NXPH2: variants seen among roughly 807,000 people sequenced by gnomAD.
NXPH2 encodes the protein neurexophilin 2, also known as neurexophilin-2.
In NXPH2, 5 loss-of-function variants were observed where a neutral mutation model predicts 19.8. That is an observed-to-expected ratio of 0.25 (90% CI 0.13 to 0.53). The LOEUF (loss-of-function observed/expected upper bound fraction) is 0.53. Among genes scored for constraint, NXPH2 ranks in the 20% least tolerant of loss-of-function variants. The pLI, the probability that NXPH2 is intolerant of heterozygous loss-of-function variation, is 0.96. For missense variants in NXPH2, 289 were observed against 322.8 expected, an observed-to-expected ratio of 0.90 and a Z score of 0.80; for synonymous variants, 154 against 127.4, an observed-to-expected ratio of 1.21 and a Z score of -1.41.
chr2:138,729,641 G>T (rs182668593), intron 1 of NXPH2, among the ~76,000 whole-genome samples: 3 of 152,084 alleles, frequency 2.0e-5, no homozygotes, highest in Non-Finnish European at 4.4e-5. Flanking sequence ...CTCAAATCAC[G>T]AATCTCTGCC....
At chr2:138,743,151 T>C (rs1452534041) in intron 1 of NXPH2, among the ~76,000 whole-genome samples, 1 of 152,206 alleles carries the variant, frequency 6.6e-6, no homozygotes, top group Non-Finnish European at 1.5e-5. Context: ...TGATTGCTTG[T>C]AACAAAGGCA....
chr2:138,779,109 CGA>C (rs1232123168), intron 1 of NXPH2, among the ~76,000 whole-genome samples: 1 of 152,140 alleles, frequency 6.6e-6, no homozygotes, highest in African/African-American at 2.4e-5. Flanking sequence ...ACAAAGAGAA[CGA>C]GAGAGAGAGC....
chr2:138,756,955 CAT>C (rs1681918751), intron 1 of NXPH2, among the ~76,000 whole-genome samples: 1 of 152,242 alleles, frequency 6.6e-6, no homozygotes, highest in African/African-American at 2.4e-5. Context: ...AGCAAAGTAA[CAT>C]AACACTGTCT....
At chr2:138,700,519 A>T (rs1173773139) in intron 1 of NXPH2, among the ~76,000 whole-genome samples, 1 of 152,202 alleles carries the variant, frequency 6.6e-6, no homozygotes, top group East Asian at 1.9e-4. Flanking sequence ...TGAATATGGA[A>T]TTTATTTCCC....
At chr2:138,718,661 CT>C (rs1273039965) in intron 1 of NXPH2, among the ~76,000 whole-genome samples, 1 of 152,090 alleles carries the variant, frequency 6.6e-6, no homozygotes, top group Non-Finnish European at 1.5e-5. Context: ...GCCACTGGAC[CT>C]TGATGCCTGG....
At position 138,674,765 on chromosome 2, in the gene NXPH2, A is replaced by G. The variant is rs555504792; in HGVS notation, c.52-3100T>C. Among the ~76,000 whole-genome samples the G allele has an allele frequency of 3.9e-5, 6 of 152,336 alleles. No individual in the cohort carries two copies. The East Asian group carries it at 1.2e-3, about 29-fold the overall frequency. ...GAGGGCCAAGGATGCATGGGCAGAT[A>G]AGAAGCTCTTGCTAATCAAGGTCCA... On this transcript the variant is annotated intron_variant, in intron 1 of 1. Coordinates refer to ENST00000272641, the MANE Select transcript of NXPH2 (RefSeq NM_007226.3).
intron 1 of NXPH2, among the ~76,000 whole-genome samples, chr2:138,770,940 A>G (rs1682166167): frequency 6.6e-6 from 1 of 152,170 alleles, no homozygotes; most frequent in African/African-American, 2.4e-5. Context: ...AATACATGTT[A>G]AAAACAATGA....
chr2:138,720,915 A>C (rs1681269658), intron 1 of NXPH2, among the ~76,000 whole-genome samples: 1 of 152,254 alleles, frequency 6.6e-6, no homozygotes, highest in Admixed American at 6.5e-5. Context: ...TGATAATCCA[A>C]AATGCAAAAC....
chr2:138,689,862 A>T lies in NXPH2; in HGVS notation c.52-18197T>A, dbSNP rs912842183. On this transcript the variant is annotated intron_variant, in intron 1 of 1. Transcript: ENST00000272641. ...AGTTCACTTTGATGCTCCCTGAACA[A>T]TGATGATGTACAGATCACACTGGCA... is the stretch of plus-strand genomic sequence containing the variant. Among the ~76,000 whole-genome samples, 28 of 152,222 alleles carry T rather than the reference A, an allele frequency of 1.8e-4. 1 individual carries two copies.
Position 138,760,021 on chromosome 2 carries a change from G to T in NXPH2, c.51+20170C>A, listed in dbSNP as rs149544679. 2.6e-5 allele frequency among the ~76,000 whole-genome samples: 4 copies of T among 152,218 alleles called. No homozygotes were observed. The East Asian group carries it at 7.7e-4, about 29-fold the overall frequency. Reference sequence around the variant, plus strand: ...TGAGATTACAGGCATGTGCCACAGAGCCCGGCCGCCACCCTTTTTCTATAA... The same window carrying T: ...TGAGATTACAGGCATGTGCCACAGATCCCGGCCGCCACCCTTTTTCTATAA... On this transcript the variant is annotated intron_variant, in intron 1 of 1. Transcript: ENST00000272641.
At chr2:138,763,071 C>A (rs62163224) in intron 1 of NXPH2, among the ~76,000 whole-genome samples, 4,694 of 152,042 alleles carry the variant, frequency 0.031, 91 homozygotes, top group Middle Eastern at 0.075. Context: ...TTAATTAAGA[C>A]TAAAATAAAA....
chr2:138,719,351 G>T (rs183399001), intron 1 of NXPH2, among the ~76,000 whole-genome samples: 1 of 152,034 alleles, frequency 6.6e-6, no homozygotes, highest in East Asian at 1.9e-4. Flanking sequence ...AAAAATATCC[G>T]AAAGGAGAAG....
At chr2:138,741,382 T>G (rs139411950) in intron 1 of NXPH2, among the ~76,000 whole-genome samples, 3 of 152,326 alleles carry the variant, frequency 2.0e-5, no homozygotes, top group Non-Finnish European at 4.4e-5. Flanking sequence ...GGTGGAAGAA[T>G]GTTCTTGAGA....
rs537635615 is a variant in NXPH2, at chr2:138,751,310, T to A, written c.51+28881A>T. On this transcript the variant is annotated intron_variant, in intron 1 of 1. Coordinates refer to ENST00000272641, the MANE Select transcript of NXPH2 (RefSeq NM_007226.3). ...AGATAATATTTAGGGAAGATAATTTTAAGAACAAGGTTAACTATATACTTC... is the reference window on the plus strand; with the variant it reads ...AGATAATATTTAGGGAAGATAATTTAAAGAACAAGGTTAACTATATACTTC... Among the ~76,000 whole-genome samples the A allele has an allele frequency of 2.6e-5, 4 of 152,308 alleles. No individual in the cohort carries two copies. The South Asian group carries it at 8.3e-4, about 32-fold the overall frequency.
Position 138,671,656 on chromosome 2 carries a change from C to T in NXPH2, c.61G>A (p.Asp21Asn), listed in dbSNP as rs752052514. The T allele has an allele frequency of 1.9e-6, 3 of 1,546,518 alleles. No homozygotes were observed. In the East Asian group the frequency reaches 6.8e-5, roughly 35 times the overall value. The change falls in exon 2 of 2, where the codon GAC (aspartate) becomes AAC (asparagine). Residue 21 changes from aspartate to asparagine, a missense_variant. Transcript: ENST00000272641. The part of the protein sequence containing the change: ...VPGLLQLLFC[D>N]SKEVVHATEG... ...GTGGCATGCACCACTTCCTTACTGT[C>T]ACAAAATAGCTGTTTGAAAAGAAGA... is the stretch of plus-strand genomic sequence containing the variant.
intron 1 of NXPH2, among the ~76,000 whole-genome samples, chr2:138,771,265 C>T (rs574539039): frequency 8.5e-5 from 13 of 152,194 alleles, no homozygotes; most frequent in Non-Finnish European, 1.2e-4. Flanking sequence ...ATAAGTTGCT[C>T]TATCAAAGTA....
At chr2:138,680,457 A>G (rs1680555938) in intron 1 of NXPH2, among the ~76,000 whole-genome samples, 2 of 152,220 alleles carry the variant, frequency 1.3e-5, no homozygotes, top group African/African-American at 4.8e-5. Context: ...ACATTTCAGG[A>G]GCCCACATTT....
chr2:138,748,457 T>A (rs1681775872), intron 1 of NXPH2, among the ~76,000 whole-genome samples: 1 of 152,152 alleles, frequency 6.6e-6, no homozygotes, highest in Non-Finnish European at 1.5e-5. Flanking sequence ...TCTGGGACAA[T>A]TATAGGACAA....
chr2:138,776,159 T>G (rs550051813), intron 1 of NXPH2, among the ~76,000 whole-genome samples: 1 of 152,212 alleles, frequency 6.6e-6, no homozygotes, highest in East Asian at 1.9e-4. Context: ...AGGTGGGCGG[T>G]GTCTTATATA....
Sources: allele counts gnomAD v4.1 joint callset (sites outside exome capture counted in the v4.1 genomes callset), GRCh38; gene constraint gnomAD v4.1.1; transcripts MANE v1.5; gene names NCBI Gene and HGNC (gene_info 2026-07-23, HGNC 2026-07-21).